The following UBE2E3 variants were observed in gnomAD, a reference collection of about 807,000 sequenced individuals.
UBE2E3 encodes the protein ubiquitin conjugating enzyme E2 E3, also known as ubiquitin-conjugating enzyme E2 E3.
UBE2E3 carries 5 observed loss-of-function variants against 23.6 expected under a neutral mutation model. That is an observed-to-expected ratio of 0.21 (90% confidence interval 0.11 to 0.44). The LOEUF is 0.44. UBE2E3 is among the 20% of genes least tolerant of loss of function. The probability of loss-of-function intolerance (pLI) is 0.99; values close to 1 mark genes in which losing one functional copy is unlikely to be tolerated. For missense variants in UBE2E3, 81 were observed against 249.8 expected, an observed-to-expected ratio of 0.32 and a Z score of 4.55; for synonymous variants, 78 against 87.5, an observed-to-expected ratio of 0.89 and a Z score of 0.60.
chr2:180,993,098 C>A (rs1213292374), intron 3 of UBE2E3, among the ~76,000 whole-genome samples: 1 of 152,154 alleles, frequency 6.6e-6, no homozygotes, highest in Non-Finnish European at 1.5e-5. Flanking sequence ...TGTTGACATT[C>A]TATCAGTTTT....
At chr2:181,055,867 A>T (rs971481153) in intron 3 of UBE2E3, among the ~76,000 whole-genome samples, 1 of 151,672 alleles carries the variant, frequency 6.6e-6, no homozygotes, top group African/African-American at 2.4e-5. Context: ...AGTAATTATG[A>T]GTTTAGATTT....
At chr2:181,042,370 C>G (rs1686540272) in intron 3 of UBE2E3, among the ~76,000 whole-genome samples, 1 of 152,182 alleles carries the variant, frequency 6.6e-6, no homozygotes. Flanking sequence ...GTTAGCCCCC[C>G]ATCAGTGTGA....
intron 3 of UBE2E3, among the ~76,000 whole-genome samples, chr2:181,040,540 C>T (rs1418615378): frequency 6.6e-6 from 1 of 152,072 alleles, no homozygotes; most frequent in East Asian, 1.9e-4. Flanking sequence ...ATTATACTGG[C>T]TGCTTTGAGA....
chr2:181,060,861 CTTTTTTTTTTTTTTT>C (rs71029902), intron 5 of UBE2E3, 49 bp downstream of exon 5: 4 of 246,482 alleles, frequency 1.6e-5, no homozygotes, highest in East Asian at 2.0e-4. Context: ...AAAACGAGTG[CTTTTTTTTTTTTTTT>C]TTTTTTTTTT....
At chr2:181,060,577 A>G (rs932312754) in intron 4 of UBE2E3, 88 bp from the exon 5 acceptor site, 17 of 1,216,244 alleles carry the variant, frequency 1.4e-5, no homozygotes, top group East Asian at 2.6e-5. Flanking sequence ...AGTATCATCT[A>G]TGATATATTA....
At chr2:180,981,254 T>A (rs999966136) in intron 1 of UBE2E3, 11 of 151,866 alleles carry the variant, frequency 7.2e-5, no homozygotes, top group Middle Eastern at 3.4e-3. Context: ...TTTGTTGCAC[T>A]TCTTGGGGCT....
At chr2:181,061,604 C>T (rs1687154295) in intron 5 of UBE2E3, among the ~76,000 whole-genome samples, 1 of 151,296 alleles carries the variant, frequency 6.6e-6, no homozygotes, top group Non-Finnish European at 1.5e-5. Context: ...AAATGATAGC[C>T]AATGAGAATT....
chr2:181,015,878 A>C (rs772759888), intron 3 of UBE2E3, among the ~76,000 whole-genome samples: 6 of 152,092 alleles, frequency 3.9e-5, no homozygotes, highest in Non-Finnish European at 7.4e-5. Flanking sequence ...ATAGCTAACT[A>C]TGCTGCAAGT....
chr2:181,041,936 T>G (rs1686521110), intron 3 of UBE2E3, among the ~76,000 whole-genome samples: 4 of 152,214 alleles, frequency 2.6e-5, no homozygotes, highest in Admixed American at 2.0e-4. Flanking sequence ...TACTGTTGAC[T>G]ATAAACATTA....
intron 3 of UBE2E3, among the ~76,000 whole-genome samples, chr2:181,050,060 T>C (rs1473622724): frequency 6.6e-6 from 1 of 152,002 alleles, no homozygotes. Flanking sequence ...CAAGCATTTG[T>C]AGTAATTTAT....
chr2:181,003,289 CTAA>C (rs1427574137), intron 3 of UBE2E3, among the ~76,000 whole-genome samples: 1 of 152,160 alleles, frequency 6.6e-6, no homozygotes, highest in African/African-American at 2.4e-5. Context: ...CAAACATGAG[CTAA>C]TAATGTATTT....
In UBE2E3 at chr2:180,982,146, A is replaced by G. The variant is rs1343755487; in HGVS notation, c.104A>G (p.Gln35Arg). The change falls in exon 2 of 6, where the codon CAA becomes CGA. Residue 35 changes from glutamine (Q) to arginine (R), a missense_variant. By Grantham distance (43) the Gln-to-Arg change is conservative. Coordinates refer to ENST00000410062, the MANE Select transcript of UBE2E3 (RefSeq NM_006357.4). Reference protein sequence around the residue: ...RDPAAPEPEEQEERKPSATQQ... With the variant: ...RDPAAPEPEEREERKPSATQQ... ...CCAGCCGCTCCAGAGCCTGAAGAACAAGAGGAAAGAAAACCTTCTGCCACC... is the reference window on the plus strand; with the variant it reads ...CCAGCCGCTCCAGAGCCTGAAGAACGAGAGGAAAGAAAACCTTCTGCCACC... 1 of 1,613,604 alleles carries G rather than the reference A, an allele frequency of 6.2e-7. No homozygotes were observed. Among genetic ancestry groups the G allele is most frequent in the East Asian group, 2.2e-5 (1 of 44,880 alleles).
At chr2:181,000,605 A>G (rs1302208078) in intron 3 of UBE2E3, among the ~76,000 whole-genome samples, 1 of 148,994 alleles carries the variant, frequency 6.7e-6, no homozygotes, top group African/African-American at 2.5e-5. Context: ...CCCAGGCTGC[A>G]GTGCAGTGGC....
intron 3 of UBE2E3, among the ~76,000 whole-genome samples, chr2:181,021,152 T>G (rs192828676): frequency 2.4e-4 from 36 of 152,310 alleles, no homozygotes; most frequent in Middle Eastern, 3.4e-3. Flanking sequence ...CTTTCACATA[T>G]AGTAATGTAG....
intron 3 of UBE2E3, among the ~76,000 whole-genome samples, chr2:180,996,959 T>C (rs72883534): frequency 0.013 from 1,910 of 152,274 alleles, 24 homozygotes; most frequent in Middle Eastern, 0.02. Flanking sequence ...GTGCATGAGC[T>C]TAATGTGTAC....
At chr2:181,025,647 T>C (rs1685861024) in intron 3 of UBE2E3, among the ~76,000 whole-genome samples, 1 of 151,922 alleles carries the variant, frequency 6.6e-6, no homozygotes, top group South Asian at 2.1e-4. Flanking sequence ...GAGGGAAATA[T>C]AGGGCCATTA....
intron 3 of UBE2E3, among the ~76,000 whole-genome samples, chr2:181,014,238 A>G (rs1400244562): frequency 2.0e-5 from 3 of 152,160 alleles, no homozygotes; most frequent in African/African-American, 7.2e-5. Flanking sequence ...GTGGGGGAAC[A>G]TTTTAAGTTC....
chr2:181,041,479 C>T (rs929843236), intron 3 of UBE2E3, among the ~76,000 whole-genome samples: 6 of 151,266 alleles, frequency 4.0e-5, no homozygotes, highest in East Asian at 1.9e-4. Context: ...CTCTCTCCGT[C>T]GCCCAGGCTA....
rs115611807 is a variant in UBE2E3, at chr2:181,001,973, T to G, written c.245+17880T>G. 1.4e-4 allele frequency among the ~76,000 whole-genome samples: 21 copies of G among 152,306 alleles called. No individual in the cohort carries two copies. The East Asian group carries it at 3.9e-3, about 28-fold the overall frequency. On this transcript the variant is annotated intron_variant, in intron 3 of 5. Transcript: ENST00000410062. Reference sequence around the variant, plus strand: ...TGTCTTTGCTTTAATAATGGAAGTTTACAAAGAAGTTGTAGTTTTCCAGCT... The same window carrying G: ...TGTCTTTGCTTTAATAATGGAAGTTGACAAAGAAGTTGTAGTTTTCCAGCT...
Sources: gnomAD v4.1 joint callset for allele counts (sites outside exome capture counted in the v4.1 genomes callset) on GRCh38, gnomAD v4.1.1 for gene constraint, MANE v1.5 for transcripts, NCBI Gene and HGNC (gene_info 2026-07-23, HGNC 2026-07-21) for gene names.